Variants in ALMS1 observed in about 807,000 individuals in gnomAD.
The protein encoded by ALMS1 is centrosome-associated protein ALMS1.
In ALMS1, 271 loss-of-function variants were observed where a neutral mutation model predicts 352.2. The observed-to-expected ratio is 0.77, with a 90% confidence interval of 0.70 to 0.85. The LOEUF (loss-of-function observed/expected upper bound fraction) is 0.85. Ranked by LOEUF, ALMS1 falls within the 40% of genes least tolerant of loss-of-function variation. The pLI is 0.00. For missense variants in ALMS1, 5,445 were observed against 4,870.7 expected (o/e 1.12, Z -3.51); for synonymous variants, 1,865 against 1,761.2 (o/e 1.06, Z -1.48).
chr2:73,562,114 A>C (rs1674676278), intron 15 of ALMS1, among the ~76,000 whole-genome samples: 1 of 152,178 alleles, frequency 6.6e-6, no homozygotes, highest in Non-Finnish European at 1.5e-5. Flanking sequence ...AGAAAAATAA[A>C]GATATAAGGA....
At chr2:73,545,992 A>G (rs576069368) in intron 12 of ALMS1, among the ~76,000 whole-genome samples, 1 of 152,340 alleles carries the variant, frequency 6.6e-6, no homozygotes, top group South Asian at 2.1e-4. Context: ...ACAATATCAG[A>G]TACTTCATCA....
chr2:73,580,506 C>T (rs1573036822), intron 16 of ALMS1, among the ~76,000 whole-genome samples: 1 of 152,194 alleles, frequency 6.6e-6, no homozygotes, highest in African/African-American at 2.4e-5. Flanking sequence ...TCTTTGAGCA[C>T]ATTTAAAACA....
intron 11 of ALMS1, among the ~76,000 whole-genome samples, chr2:73,529,649 T>TAGTA (rs946342373): frequency 1.3e-5 from 2 of 152,206 alleles, no homozygotes; most frequent in Admixed American, 1.3e-4. Context: ...ACTTCAAGCC[T>TAGTA]AGTAACACTG....
At position 73,485,844 on chromosome 2, in the gene ALMS1, C is replaced by A. The variant is rs113451538; in HGVS notation, c.7675-3790C>A. Reference sequence around the variant, plus strand: ...TGGGAGTGACCCGATTTTCCAGGTGCGTCCGTCACCCCTTTCTTTGACTAG... The same window carrying A: ...TGGGAGTGACCCGATTTTCCAGGTGAGTCCGTCACCCCTTTCTTTGACTAG... On this transcript the variant is annotated intron_variant, in intron 9 of 22. Transcript: ENST00000613296. Among the ~76,000 whole-genome samples the A allele has an allele frequency of 1.9e-3, 283 of 152,222 alleles. 1 individual carries two copies. Among genetic ancestry groups the A allele is most frequent in the African/African-American group, 6.5e-3 (272 of 41,532 alleles).
chr2:73,565,386 A>C (rs1430590444), intron 15 of ALMS1, among the ~76,000 whole-genome samples: 1 of 152,256 alleles, frequency 6.6e-6, no homozygotes, highest in Non-Finnish European at 1.5e-5. Context: ...CAATAGTATT[A>C]GATCATAACC....
intron 22 of ALMS1, 102 bp from the exon 23 acceptor site, chr2:73,609,466 C>T (rs950255639): frequency 4.6e-6 from 5 of 1,084,372 alleles, no homozygotes; most frequent in Admixed American, 1.7e-5. Context: ...TTGAATAGGA[C>T]CACACTGATT....
At chr2:73,403,264 T>C (rs943262049) in intron 1 of ALMS1, among the ~76,000 whole-genome samples, 2 of 152,226 alleles carry the variant, frequency 1.3e-5, no homozygotes, top group Non-Finnish European at 1.5e-5. Context: ...TTTAATTTTC[T>C]CAGCACCATT....
Position 73,552,782 on chromosome 2 carries a change from A to G in ALMS1, c.10078+2345A>G, listed in dbSNP as rs115548387. On this transcript the variant is annotated intron_variant, in intron 13 of 22. Transcript: ENST00000613296. ...AGAATGCCTGCCTGGGAAACTGAAC[A>G]ATGACCTATGTAATAGCTAAATGAG... 3.7e-3 allele frequency among the ~76,000 whole-genome samples: 566 copies of G among 152,308 alleles called. 2 individuals carry two copies. Among genetic ancestry groups the G allele is most frequent in the African/African-American group, 0.013 (539 of 41,560 alleles).
At chr2:73,580,389 T>C (rs78808610) in intron 16 of ALMS1, among the ~76,000 whole-genome samples, 3,887 of 152,366 alleles carry the variant, frequency 0.026, 57 homozygotes, top group Non-Finnish European at 0.042. Flanking sequence ...TCTTGTACTT[T>C]TCAGCTTCAT....
chr2:73,479,241 A>G (rs1208448980), intron 9 of ALMS1, among the ~76,000 whole-genome samples: 1 of 152,192 alleles, frequency 6.6e-6, no homozygotes, highest in Non-Finnish European at 1.5e-5. Context: ...AATTTCCCCA[A>G]GTGGTAACAT....
chr2:73,490,842 G>C lies in ALMS1; in HGVS notation c.8883G>C (p.Pro2961=). The C allele has an allele frequency of 6.2e-7, 1 of 1,613,742 alleles. No homozygotes were observed. The highest frequency in any genetic ancestry group is 8.5e-7 in the Non-Finnish European group (1 of 1,179,974). ...AGGATTCTATAGCTTCAGACCTTCC[G>C]TCTCCCATTTCTCTTGAACAATGCC... is the stretch of plus-strand genomic sequence containing the variant. ...QGQDSIASDL[P]SPISLEQCQS... is the part of the protein sequence containing the mutation. The change falls in exon 10 of 23, where the codon CCG becomes CCC. Residue 2961 remains proline, a synonymous_variant. Transcript: ENST00000613296.
In ALMS1 at chr2:73,448,965, A is replaced by T. The variant is rs775512871; in HGVS notation, c.2438A>T (p.His813Leu). ...ACAGTACCCTCTAGTGCATACTCAC[A>T]CAGAGAGAAGCTCCTTGTTTTCTAC... The part of the protein sequence containing the change: ...LPTVPSSAYS[H>L]REKLLVFYQQ... Residue 813 changes from histidine (H) to leucine (L), a missense_variant, in exon 8 of 23, where the codon CAC (histidine) becomes CTC (leucine). By Grantham distance (99) the His-to-Leu change is moderately conservative. Transcript: ENST00000613296. The T allele has an allele frequency of 6.2e-7, 1 of 1,614,062 alleles. No individual in the cohort carries two copies. The highest frequency in any genetic ancestry group is 2.2e-5 in the East Asian group (1 of 44,858).
intron 9 of ALMS1, among the ~76,000 whole-genome samples, chr2:73,474,937 A>G (rs1170044411): frequency 6.6e-6 from 1 of 152,082 alleles, no homozygotes; most frequent in African/African-American, 2.4e-5. Flanking sequence ...ACACCAGTCC[A>G]CTTTCTCTCC....
At chr2:73,391,218 C>T (rs1457097005) in intron 1 of ALMS1, among the ~76,000 whole-genome samples, 1 of 151,992 alleles carries the variant, frequency 6.6e-6, no homozygotes, top group African/African-American at 2.4e-5. Context: ...TGAACCTCTC[C>T]CGTTTCTGCT....
At chr2:73,486,144 T>C (rs1241710404) in intron 9 of ALMS1, among the ~76,000 whole-genome samples, 4 of 152,094 alleles carry the variant, frequency 2.6e-5, no homozygotes, top group African/African-American at 4.8e-5. Context: ...TTTCCCTTTT[T>C]ACTGTTGTGA....
intron 21 of ALMS1, chr2:73,603,584 G>A (rs1336935421): frequency 5.1e-6 from 2 of 390,300 alleles, no homozygotes; most frequent in East Asian, 6.0e-5. Context: ...TTTAGGCCAG[G>A]TACGGTGGCT....
In ALMS1 at chr2:73,448,805, C is replaced by T. The variant is rs1325308088; in HGVS notation, c.2278C>T (p.Gln760Ter). The T allele has an allele frequency of 1.2e-6, 2 of 1,614,026 alleles. No homozygotes were observed. Among genetic ancestry groups the T allele is most frequent in the South Asian group, 1.1e-5 (1 of 91,080 alleles). Residue 760 changes from glutamine (Q) to a stop codon, truncating the protein, a stop_gained, in exon 8 of 23, where the codon CAG (glutamine) becomes TAG (stop). Transcript: ENST00000613296. LOFTEE classifies it high-confidence loss of function. ...ADQKTEIPAV[Q>*]SSSYSQREKP... ...CCAGAAGACTGAGATACCAGCAGTA[C>T]AGTCTAGTTCTTACTCACAAAGAGA...
intron 10 of ALMS1, among the ~76,000 whole-genome samples, chr2:73,510,003 C>T (rs945084528): frequency 1.4e-4 from 22 of 152,222 alleles, no homozygotes; most frequent in African/African-American, 5.1e-4. Context: ...TCCACTTGGT[C>T]GATTCAGCTA....
At chr2:73,465,060 A>G (rs7596893) in intron 9 of ALMS1, among the ~76,000 whole-genome samples, 2,470 of 152,180 alleles carry the variant, frequency 0.016, 64 homozygotes, top group African/African-American at 0.056. Context: ...CCATCAAGCT[A>G]CCAGTGGTAA....
Sources: gnomAD v4.1 joint callset for allele counts (sites outside exome capture counted in the v4.1 genomes callset) on GRCh38, gnomAD v4.1.1 for gene constraint, MANE v1.5 for transcripts, NCBI Gene and HGNC (gene_info 2026-07-23, HGNC 2026-07-21) for gene names.